The following CALD1 variants were observed in gnomAD, a reference collection of about 807,000 sequenced individuals.
The protein encoded by CALD1 is caldesmon 1, also known as caldesmon.
Under a neutral mutation model 99.9 loss-of-function variants are expected in CALD1, and 33 were observed. That is an observed-to-expected ratio of 0.33 (90% CI 0.25 to 0.44). The LOEUF (loss-of-function observed/expected upper bound fraction) is 0.44. Ranked by LOEUF, CALD1 falls within the 20% of genes least tolerant of loss-of-function variation. The pLI, the probability that CALD1 is intolerant of heterozygous loss-of-function variation, is 1.00. For synonymous variants in CALD1, 310 were observed against 325.0 expected, an observed-to-expected ratio of 0.95 and a Z score of 0.50; for missense variants, 861 against 962.1, an observed-to-expected ratio of 0.89 and a Z score of 1.39.
chr7:134,959,259 C>T (rs530126578), intron 11 of CALD1, among the ~76,000 whole-genome samples: 214 of 152,120 alleles, frequency 1.4e-3, no homozygotes, highest in African/African-American at 5.0e-3. Context: ...CGGCTCACTG[C>T]AACCTCTGCA....
the CALD1 span, among the ~76,000 whole-genome samples, chr7:134,732,524 T>C: frequency 1.4e-3 from 206 of 152,310 alleles, no homozygotes; most frequent in Non-Finnish European, 2.1e-4. Flanking sequence ...GAAGGTGCCA[T>C]CTATAAGGAA....
rs960148644 is a variant in CALD1 at position 134,968,645 on chromosome 7, C to T, written c.*300C>T. 3.3e-6 allele frequency: 2 copies of T among 610,518 alleles called. No individual in the cohort carries two copies. The highest frequency in any genetic ancestry group is 1.8e-5 in the African/African-American group (1 of 54,950). The allele number at this position is 610,518 out of a possible 1,614,324, so 37.8% of individuals were successfully genotyped here. A position where few individuals can be genotyped will look rare whatever the true frequency, so the allele number is the denominator to read the frequency against. On this transcript the variant is annotated 3_prime_UTR_variant, in exon 15 of 15. Transcript: ENST00000361675. ...ATCTGAGCAGTGATACCAACCACATCTGAAGTCAACAGAAGATCCAAGTTT... is the reference window on the plus strand; with the variant it reads ...ATCTGAGCAGTGATACCAACCACATTTGAAGTCAACAGAAGATCCAAGTTT...
At chr7:134,857,891 T>C (rs1239724410) in intron 2 of CALD1, among the ~76,000 whole-genome samples, 1 of 152,180 alleles carries the variant, frequency 6.6e-6, no homozygotes, top group Non-Finnish European at 1.5e-5. Flanking sequence ...AAAATACTGC[T>C]ATTAACAAAG....
In CALD1 at chr7:134,960,628, T is replaced by G; in HGVS notation, c.2295T>G (p.Ser765=). Residue 765 remains serine (S), a splice_region_variant and synonymous_variant, in exon 13 of 15, where the codon TCT becomes TCG. Transcript: ENST00000361675. ...ACAAGTCACCTGCTCCCAAACCTTC[T>G]GTAAGTACCTTTAGGTTTTTCTGAG... ...DGNKSPAPKP[S]DLRPGDVSSK... is the part of the protein sequence containing the mutation. The G allele has an allele frequency of 1.3e-6, 2 of 1,590,758 alleles. No individual in the cohort carries two copies. The highest frequency in any genetic ancestry group is 4.5e-5 in the East Asian group (2 of 44,748).
intron 3 of CALD1, among the ~76,000 whole-genome samples, chr7:134,876,709 AT>A (rs1402823174): frequency 6.6e-6 from 1 of 152,346 alleles, no homozygotes; most frequent in East Asian, 1.9e-4. Context: ...TGTTAGCATG[AT>A]TCCTTCAAAC....
intron 4 of CALD1, 36 bp from the exon 5 acceptor site, chr7:134,932,952 C>T (rs755648979): frequency 9.8e-6 from 14 of 1,428,490 alleles, no homozygotes; most frequent in South Asian, 1.3e-5. Flanking sequence ...GATGAATGAG[C>T]AAGCTGTCTT....
chr7:134,955,017 T>G (rs1397931917), intron 9 of CALD1, among the ~76,000 whole-genome samples: 1 of 152,238 alleles, frequency 6.6e-6, no homozygotes, highest in Non-Finnish European at 1.5e-5. Flanking sequence ...TCTTTAATAT[T>G]GTACCTACTG....
chr7:134,883,799 G>T (rs1385695483), intron 3 of CALD1, among the ~76,000 whole-genome samples: 1 of 152,198 alleles, frequency 6.6e-6, no homozygotes, highest in Non-Finnish European at 1.5e-5. Context: ...CGATATTAGT[G>T]AGTGTAAAGA....
chr7:134,774,681 C>G (rs924034359), upstream of CALD1, among the ~76,000 whole-genome samples: 1 of 152,154 alleles, frequency 6.6e-6, no homozygotes, highest in Non-Finnish European at 1.5e-5. Context: ...GAGGTTTTCC[C>G]GATTCTGAGG....
At chr7:134,923,375 A>G (rs894104724) in intron 3 of CALD1, among the ~76,000 whole-genome samples, 2 of 152,246 alleles carry the variant, frequency 1.3e-5, no homozygotes, top group Non-Finnish European at 2.9e-5. Context: ...CCACAATAAA[A>G]TGCATTTGAT....
intron 3 of CALD1, among the ~76,000 whole-genome samples, chr7:134,925,960 G>A (rs985561694): frequency 7.2e-5 from 11 of 152,122 alleles, no homozygotes; most frequent in South Asian, 2.1e-4. Flanking sequence ...TCCCTGTTGC[G>A]GTTAAAGCTG....
At chr7:134,816,186 A>C (rs1258794044) in intron 1 of CALD1, among the ~76,000 whole-genome samples, 1 of 152,216 alleles carries the variant, frequency 6.6e-6, no homozygotes, top group Non-Finnish European at 1.5e-5. Flanking sequence ...AATATGGACT[A>C]TAGGCTTTAA....
At chr7:134,863,968 C>T (rs540839400) in intron 2 of CALD1, among the ~76,000 whole-genome samples, 4 of 152,222 alleles carry the variant, frequency 2.6e-5, no homozygotes, top group East Asian at 1.9e-4. Flanking sequence ...AGGAAAGTCC[C>T]GGAAGCCCTG....
intron 1 of CALD1, among the ~76,000 whole-genome samples, chr7:134,759,111 C>G (rs1258355484): frequency 6.6e-6 from 1 of 152,194 alleles, no homozygotes; most frequent in Non-Finnish European, 1.5e-5. Context: ...GCATGACCAT[C>G]ACGTTTATAA....
At chr7:134,921,637 C>T (rs1325561446) in intron 3 of CALD1, among the ~76,000 whole-genome samples, 2 of 152,152 alleles carry the variant, frequency 1.3e-5, no homozygotes, top group African/African-American at 2.4e-5. Flanking sequence ...CATGGTGAAA[C>T]TCTCTCTTTA....
At chr7:134,749,048 G>A (rs756023217) in intron 1 of CALD1, among the ~76,000 whole-genome samples, 3 of 152,208 alleles carry the variant, frequency 2.0e-5, no homozygotes, top group African/African-American at 7.2e-5. Context: ...CCGACTTCGG[G>A]AGCTGTGAGA....
intron 6 of CALD1, among the ~76,000 whole-genome samples, chr7:134,938,161 G>A (rs760122886): frequency 6.6e-6 from 1 of 152,190 alleles, no homozygotes; most frequent in Non-Finnish European, 1.5e-5. Context: ...AGACGTCCAT[G>A]TTATAGAAAT....
the CALD1 span, among the ~76,000 whole-genome samples, chr7:134,738,780 CAG>C: frequency 6.6e-6 from 1 of 152,148 alleles, no homozygotes; most frequent in African/African-American, 2.4e-5. Flanking sequence ...CACATTTGAT[CAG>C]CATACCTACT....
chr7:134,814,742 A>G (rs1344935488), intron 1 of CALD1, among the ~76,000 whole-genome samples: 1 of 152,054 alleles, frequency 6.6e-6, no homozygotes, highest in Non-Finnish European at 1.5e-5. Context: ...GTGAAGGCAC[A>G]CCCCTGTTGG....
Sources: allele counts gnomAD v4.1 joint callset (sites outside exome capture counted in the v4.1 genomes callset), GRCh38; gene constraint gnomAD v4.1.1; transcripts MANE v1.5; gene names NCBI Gene and HGNC (gene_info 2026-07-23, HGNC 2026-07-21).